Variants in BSN observed in about 807,000 individuals in gnomAD.
BSN encodes bassoon presynaptic cytomatrix protein, also known as protein bassoon.
A neutral mutation model predicts 264.8 loss-of-function variants in BSN; 57 were observed. The ratio of observed to expected loss-of-function variants is 0.22; its 90% CI spans 0.17 to 0.27. The LOEUF is 0.27. Ranked by LOEUF, BSN falls within the 10% of genes least tolerant of loss-of-function variation. BSN has a pLI of 1.00. For synonymous variants in BSN, 2,059 were observed against 2,137.3 expected (o/e 0.96, Z 1.01); for missense variants, 4,615 against 5,232.5 (o/e 0.88, Z 3.64).
chr3:49,663,201 C>T lies in BSN; in HGVS notation c.11043C>T (p.Pro3681=), dbSNP rs900757221. The T allele has an allele frequency of 1.2e-6, 2 of 1,613,960 alleles. No individual in the cohort carries two copies. Among genetic ancestry groups the T allele is most frequent in the African/African-American group, 1.3e-5 (1 of 75,074 alleles). Residue 3681 remains proline (P), a synonymous_variant, in exon 7 of 12, where the codon CCC becomes CCT. Transcript: ENST00000296452. Reference sequence around the variant, plus strand: ...ACCTGGGTCGCCATGAGGCCCGGCCCCACTCTCAGCCCAGCTCTGCTCCAG... The same window carrying T: ...ACCTGGGTCGCCATGAGGCCCGGCCTCACTCTCAGCCCAGCTCTGCTCCAG... ...ARDLGRHEAR[P]HSQPSSAPAM...
chr3:49,655,547 T>C lies in BSN; in HGVS notation c.5991T>C (p.His1997=). The stretch of plus-strand genomic sequence containing the variant: ...TGGCTGAGGCTGGCCTCAACTACCA[T>C]GCCCAGAGGATCGGGCAGCTCTTCC... The part of the protein sequence containing the change: ...TNLAEAGLNY[H]AQRIGQLFQG... Residue 1997 remains histidine, a synonymous_variant, in exon 5 of 12, where the codon CAT becomes CAC. Coordinates refer to ENST00000296452, the MANE Select transcript of BSN (RefSeq NM_003458.4). The C allele has an allele frequency of 6.2e-7, 1 of 1,613,110 alleles. No individual in the cohort carries two copies. The highest frequency in any genetic ancestry group is 8.5e-7 in the Non-Finnish European group (1 of 1,179,714).
At chr3:49,563,074 T>A (rs568581876) in intron 1 of BSN, among the ~76,000 whole-genome samples, 78 of 152,230 alleles carry the variant, frequency 5.1e-4, no homozygotes, top group Non-Finnish European at 8.8e-4. Flanking sequence ...AAACAAGGTC[T>A]AAATCAAAAG....
In BSN at chr3:49,657,503, C is replaced by A. The variant is rs2052618463; in HGVS notation, c.7947C>A (p.Ala2649=). The A allele has an allele frequency of 6.2e-7, 1 of 1,613,102 alleles. No individual in the cohort carries two copies. The highest frequency in any genetic ancestry group is 8.5e-7 in the Non-Finnish European group (1 of 1,180,030). Residue 2649 remains alanine, a synonymous_variant, in exon 5 of 12, where the codon GCC becomes GCA. Coordinates refer to ENST00000296452, the MANE Select transcript of BSN (RefSeq NM_003458.4). ...SGSDSKHDAT[A]SSSSAAATVR... ...CTGACAGCAAGCACGATGCCACTGC[C>A]TCATCATCCAGTGCTGCTGCCACTG... is the stretch of plus-strand genomic sequence containing the variant.
intron 2 of BSN, among the ~76,000 whole-genome samples, chr3:49,639,173 G>C (rs906994396): frequency 2.0e-5 from 3 of 151,632 alleles, no homozygotes; most frequent in Admixed American, 6.6e-5. Context: ...CATAGACAAA[G>C]CTGCCTTGCT....
At chr3:49,586,328 C>CTATG (rs1352245784) in intron 1 of BSN, among the ~76,000 whole-genome samples, 1 of 147,326 alleles carries the variant, frequency 6.8e-6, no homozygotes, top group African/African-American at 2.6e-5. Context: ...TTTCCCAGCT[C>CTATG]TATCTATCTA....
rs1263016534 is a variant in BSN, at chr3:49,625,203, C to A, written c.453C>A (p.Thr151=). ...SPSVSPDRGS[T]PTSPYSVPQI... is the part of the protein sequence containing the mutation. ...CAGTGTCACCGGACAGAGGCAGCAC[C>A]CCCACATCACCCTACTCCGTCCCTC... is the stretch of plus-strand genomic sequence containing the variant. Residue 151 remains threonine, a synonymous_variant, in exon 2 of 12, where the codon ACC becomes ACA. Coordinates refer to ENST00000296452, the MANE Select transcript of BSN (RefSeq NM_003458.4). The surrounding 1 kb of genome is among the most constrained non-coding windows in gnomAD (Gnocchi z 4.4). The A allele has an allele frequency of 6.4e-7, 1 of 1,556,702 alleles. No individual in the cohort carries two copies. The highest frequency in any genetic ancestry group is 2.0e-5 in the Admixed American group (1 of 50,642).
In BSN at chr3:49,664,453, C is replaced by A; in HGVS notation, c.11639C>A (p.Thr3880Asn). The change falls in exon 9 of 12, where the codon ACC (threonine) becomes AAC (asparagine). Residue 3880 changes from threonine (T) to asparagine (N), a missense_variant. Thr to Asn is a moderately conservative substitution (Grantham distance 65). Around this residue, in one of 3 missense-constraint regions of BSN, gnomAD observed 3,415 missense variants for 3,866.4 expected, o/e 0.88. Coordinates refer to ENST00000296452, the MANE Select transcript of BSN (RefSeq NM_003458.4). ...GVKAGARPGG[T>N]PGAPAGQPGA... is the part of the protein sequence containing the mutation. ...AAGGCTGGAGCCAGGCCTGGAGGAACCCCAGGGGCTCCCGCCGGCCAGCCA... is the reference window on the plus strand; with the variant it reads ...AAGGCTGGAGCCAGGCCTGGAGGAAACCCAGGGGCTCCCGCCGGCCAGCCA... 6.2e-7 allele frequency: 1 copy of A among 1,613,736 alleles called. No homozygotes were observed. The highest frequency in any genetic ancestry group is 8.5e-7 in the Non-Finnish European group (1 of 1,179,998).
intron 5 of BSN, among the ~76,000 whole-genome samples, chr3:49,659,018 G>A (rs909855056): frequency 6.6e-6 from 1 of 152,224 alleles, no homozygotes; most frequent in African/African-American, 2.4e-5. Flanking sequence ...CAAAGCAGAT[G>A]TTTTGGAAAG....
In BSN at chr3:49,657,925, C is replaced by T. The variant is rs146150633; in HGVS notation, c.8369C>T (p.Ser2790Phe). The change falls in exon 5 of 12, where the codon TCC (serine) becomes TTC (phenylalanine). Residue 2790 changes from serine (S) to phenylalanine (F), a missense_variant. Physicochemically the swap from Ser to Phe is radical, Grantham distance 155. Transcript: ENST00000296452. Reference sequence around the variant, plus strand: ...CTTGTGAGCCGCCAGCCTCCCAAGTCCCCTCAGGTCCTCTACTCACCAGTC... The same window carrying T: ...CTTGTGAGCCGCCAGCCTCCCAAGTTCCCTCAGGTCCTCTACTCACCAGTC... ...SQLVSRQPPK[S>F]PQVLYSPVSP... 1.9e-6 allele frequency: 3 copies of T among 1,613,662 alleles called. No homozygotes were observed. In the African/African-American group the frequency reaches 4.0e-5, roughly 22 times the overall value.
In BSN at chr3:49,658,229, AG is replaced by A. The variant is rs779639306; in HGVS notation, c.8640+37del. The A allele has an allele frequency of 1.1e-5, 16 of 1,505,926 alleles. No homozygotes were observed. The East Asian group carries it at 3.2e-4, about 31-fold the overall frequency. The allele number at this position is 1,505,926 out of a possible 1,614,324, so 93.3% of individuals were successfully genotyped here. A position where few individuals can be genotyped will look rare whatever the true frequency, so the allele number is the denominator to read the frequency against. On this transcript the variant is annotated intron_variant, in intron 5 of 11. Transcript: ENST00000296452. Reference sequence around the variant, plus strand: ...AACAGGGGCTGTTCCAGGGTGGGACAGGGGTCTCTGCCTAGCCCGAGGGGCC... The same window carrying A: ...AACAGGGGCTGTTCCAGGGTGGGACAGGGTCTCTGCCTAGCCCGAGGGGCC...
At chr3:49,587,918 TTTTCTTTTC>T (rs1342416879) in intron 1 of BSN, among the ~76,000 whole-genome samples, 11 of 148,348 alleles carry the variant, frequency 7.4e-5, no homozygotes, top group African/African-American at 2.7e-4. Flanking sequence ...TTTTCTTTTC[TTTTCTTTTC>T]TTTTTTTTTT....
In BSN at chr3:49,656,399, T is replaced by C. The variant is rs1017958856; in HGVS notation, c.6843T>C (p.Tyr2281=). 5.0e-6 allele frequency: 8 copies of C among 1,591,290 alleles called. No individual in the cohort carries two copies. The highest frequency in any genetic ancestry group is 6.8e-6 in the Non-Finnish European group (8 of 1,168,010). The change falls in exon 5 of 12, where the codon TAT becomes TAC. Residue 2281 remains tyrosine (Y), a synonymous_variant. Coordinates refer to ENST00000296452, the MANE Select transcript of BSN (RefSeq NM_003458.4). The part of the protein sequence containing the change: ...SSVPPAEGPV[Y]LGKPAAAKAP... ...TTCCACCTGCAGAAGGGCCTGTCTATCTGGGGAAACCTGCTGCTGCCAAGG... is the reference window on the plus strand; with the variant it reads ...TTCCACCTGCAGAAGGGCCTGTCTACCTGGGGAAACCTGCTGCTGCCAAGG...
intron 1 of BSN, among the ~76,000 whole-genome samples, chr3:49,618,427 C>T (rs1324631154): frequency 1.3e-5 from 2 of 152,206 alleles, no homozygotes; most frequent in African/African-American, 4.8e-5. Flanking sequence ...TGGGCCAGTG[C>T]CTTATTCTCA....
chr3:49,655,911 G>A lies in BSN; in HGVS notation c.6355G>A (p.Gly2119Ser), dbSNP rs768838821. 1.8e-4 allele frequency: 288 copies of A among 1,612,018 alleles called. No individual in the cohort carries two copies. The highest frequency in any genetic ancestry group is 2.4e-4 in the Non-Finnish European group (282 of 1,179,994). ...DQYGGRHGSG[G>S]GGPDLVQYQP... is the part of the protein sequence containing the mutation. ...GTATGGTGGGCGGCATGGCAGTGGT[G>A]GTGGTGGCCCTGACCTTGTGCAGTA... The change falls in exon 5 of 12, where the codon GGT becomes AGT. Residue 2119 changes from glycine to serine, a missense_variant. Physicochemically the swap from Gly to Ser is moderately conservative, Grantham distance 56 (BLOSUM62 0). This residue lies in a region of BSN where 3,415 missense variants were observed against 3,866.4 expected (regional missense o/e 0.88). Transcript: ENST00000296452.
intron 1 of BSN, among the ~76,000 whole-genome samples, chr3:49,574,705 G>A (rs563379492): frequency 7.4e-5 from 11 of 148,680 alleles, no homozygotes; most frequent in Non-Finnish European, 1.2e-4. Context: ...GCACAATCTC[G>A]GCTCACTGCA....
rs914500041 is a variant in BSN at position 49,604,853 on chromosome 3, G to A, written c.225-20122G>A. Among the ~76,000 whole-genome samples, 5 of 150,872 alleles carry A rather than the reference G, an allele frequency of 3.3e-5. No individual in the cohort carries two copies. The East Asian group carries it at 5.8e-4, about 18-fold the overall frequency. ...ACTACACCCCTTCAGCCACACTGGC[G>A]TGCTTGCTGCTCCCTACCTGCAATC... is the stretch of plus-strand genomic sequence containing the variant. On this transcript the variant is annotated intron_variant, in intron 1 of 11. Transcript: ENST00000296452.
At chr3:49,662,628 C>T (rs973653833) in intron 6 of BSN, 66 bp downstream of exon 6, 12 of 1,530,126 alleles carry the variant, frequency 7.8e-6, no homozygotes, top group Non-Finnish European at 1.1e-5. Context: ...ACCTGTGGGG[C>T]CCTGGGCCCT....
At position 49,554,527 on chromosome 3, in the gene BSN, G is replaced by A. The variant is rs2051646372; in HGVS notation, c.-76G>A. 4 of 474,360 alleles carry A rather than the reference G, an allele frequency of 8.4e-6. No homozygotes were observed. Among genetic ancestry groups the A allele is most frequent in the Non-Finnish European group, 1.1e-5 (4 of 363,490 alleles). The allele number at this position is 474,360 out of a possible 1,614,324, so 29.4% of individuals were successfully genotyped here. ...AGATGGCGGCGGCAGCGGCGGCGCC[G>A]AGAGTGTGAGCACCGCCCGGGAGCC... On this transcript the variant is annotated 5_prime_UTR_variant, in exon 1 of 12. Transcript: ENST00000296452.
In BSN at chr3:49,642,916, G is replaced by T. The variant is rs955529886; in HGVS notation, c.1282G>T (p.Ala428Ser). 3 of 1,614,058 alleles carry T rather than the reference G, an allele frequency of 1.9e-6. No individual in the cohort carries two copies. Among genetic ancestry groups the T allele is most frequent in the Non-Finnish European group, 2.5e-6 (3 of 1,180,034 alleles). The change falls in exon 3 of 12, where the codon GCC (alanine) becomes TCC (serine). Residue 428 changes from alanine (A) to serine (S), a missense_variant. Physicochemically the swap from Ala to Ser is moderately conservative, Grantham distance 99. Coordinates refer to ENST00000296452, the MANE Select transcript of BSN (RefSeq NM_003458.4). The surrounding 1 kb of genome is among the most constrained non-coding windows in gnomAD (Gnocchi z 7.0). ...ARMGPGSGPGALPKTGGTTSP... is the reference protein window; with the variant it reads ...ARMGPGSGPGSLPKTGGTTSP... ...AATGGGTCCTGGATCTGGACCTGGAGCCCTGCCGAAAACTGGGGGAACAAC... is the reference window on the plus strand; with the variant it reads ...AATGGGTCCTGGATCTGGACCTGGATCCCTGCCGAAAACTGGGGGAACAAC...
Sources: allele counts gnomAD v4.1 joint callset (sites outside exome capture counted in the v4.1 genomes callset), GRCh38; gene constraint gnomAD v4.1.1; regional missense constraint gnomAD v4.1.1; non-coding constraint Gnocchi (gnomAD v3.1); transcripts MANE v1.5; gene names NCBI Gene and HGNC (gene_info 2026-07-23, HGNC 2026-07-21).